The following OTUD7A variants were observed in gnomAD, a reference collection of about 807,000 sequenced individuals.
OTUD7A encodes OTU domain-containing protein 7A.
In OTUD7A, 12 loss-of-function variants were observed where a neutral mutation model predicts 65.7. The ratio of observed to expected loss-of-function variants is 0.18; its 90% CI spans 0.12 to 0.30. The LOEUF is 0.30. OTUD7A is among the 10% of genes least tolerant of loss of function. The pLI is 1.00. For synonymous variants in OTUD7A, 641 were observed against 586.3 expected (o/e 1.09, Z -1.35); for missense variants, 1,148 against 1,304.8 (o/e 0.88, Z 1.85).
chr15:31,669,280 GGTTGGGTGTCGTA>G (rs1216758891), intron 1 of OTUD7A, among the ~76,000 whole-genome samples: 1 of 152,150 alleles, frequency 6.6e-6, no homozygotes. Context: ...GTGGGGGCAG[GGTTGGGTGTCGTA>G]GTTCAGACTG....
chr15:31,589,487 G>GTTTT (rs1889655663), intron 3 of OTUD7A, among the ~76,000 whole-genome samples: 5 of 138,192 alleles, frequency 3.6e-5, no homozygotes, highest in African/African-American at 1.4e-4. Flanking sequence ...TTTTTCTGTA[G>GTTTT]AGACGGGGTT....
rs2041042467 is a variant in OTUD7A at position 31,477,586 on chromosome 15, CAAT to C, written c.*5705_*5707del. On this transcript the variant is annotated 3_prime_UTR_variant, in exon 13 of 13. Coordinates refer to ENST00000307050, the MANE Select transcript of OTUD7A (RefSeq NM_001382637.1). ...GTCACTGGGTCAGCTAAAGTTCTCA[CAAT>C]AATAGAACCTAGATTTGATGAAAGC... 2.6e-5 allele frequency: 4 copies of C among 152,172 alleles called. No individual in the cohort carries two copies. The South Asian group carries it at 8.3e-4, about 31-fold the overall frequency. 9.4% of individuals were successfully genotyped at this position (152,172 alleles called of 1,614,324 possible).
At position 31,834,428 on chromosome 15, in the gene OTUD7A, A is replaced by G. The variant is rs116630861; in HGVS notation, c.-100+36079T>C. Among the ~76,000 whole-genome samples the G allele has an allele frequency of 5.9e-3, 902 of 152,332 alleles. 11 individuals carry two copies. Among genetic ancestry groups the G allele is most frequent in the African/African-American group, 0.021 (870 of 41,572 alleles). ...TTTTGTTTTGTCTTTAAATTAATCA[A>G]TCATGTTTATTTAAAGTTTTCTTAA... On this transcript the variant is annotated intron_variant, in intron 1 of 12. Coordinates refer to ENST00000307050, the MANE Select transcript of OTUD7A (RefSeq NM_001382637.1).
Position 31,855,231 on chromosome 15 carries a change from C to A in OTUD7A, c.-100+15276G>T, listed in dbSNP as rs994563295. Among the ~76,000 whole-genome samples the A allele has an allele frequency of 3.3e-5, 5 of 151,750 alleles. No homozygotes were observed. In the East Asian group the frequency reaches 7.7e-4, roughly 23 times the overall value. On this transcript the variant is annotated intron_variant, in intron 1 of 12. Coordinates refer to ENST00000307050, the MANE Select transcript of OTUD7A (RefSeq NM_001382637.1). ...TCCAGAAACATTCAAGTAAATTAAC[C>A]GAATTAAAAGAATCACATGAACATC...
In OTUD7A at chr15:31,512,447, A is replaced by AT. The variant is rs1024724268; in HGVS notation, c.894-8630dup. 2.0e-5 allele frequency among the ~76,000 whole-genome samples: 3 copies of AT among 152,046 alleles called. No homozygotes were observed. In the East Asian group the frequency reaches 5.8e-4, roughly 29 times the overall value. On this transcript the variant is annotated intron_variant, in intron 8 of 12. Coordinates refer to ENST00000307050, the MANE Select transcript of OTUD7A (RefSeq NM_001382637.1). ...GCAATATTACTTGAATATAAATTTA[A>AT]TTTTTTTTAGCGAGGCCATTTTTTA...
intron 8 of OTUD7A, among the ~76,000 whole-genome samples, chr15:31,522,831 T>G (rs2041956164): frequency 6.6e-6 from 1 of 152,176 alleles, no homozygotes; most frequent in Non-Finnish European, 1.5e-5. Context: ...GCTGACCTCT[T>G]CAGATACGTG....
intron 3 of OTUD7A, among the ~76,000 whole-genome samples, chr15:31,630,065 G>C (rs1175468096): frequency 4.7e-5 from 7 of 148,532 alleles, no homozygotes; most frequent in Non-Finnish European, 6.0e-5. Flanking sequence ...TTAATTTTTT[G>C]AAGGGTTTTT....
At position 31,559,078 on chromosome 15, in the gene OTUD7A, T is replaced by A; in HGVS notation, c.441A>T (p.Pro147=). 6.2e-7 allele frequency: 1 copy of A among 1,612,262 alleles called. No homozygotes were observed. The highest frequency in any genetic ancestry group is 8.5e-7 in the Non-Finnish European group (1 of 1,179,240). Residue 147 remains proline, a synonymous_variant, in exon 5 of 13, where the codon CCA becomes CCT. Coordinates refer to ENST00000307050, the MANE Select transcript of OTUD7A (RefSeq NM_001382637.1). ...GGTCTGGCAACTGGAATGTGTAGATTGGCATCTCCAGGGGGAACTGCTCGT... is the reference window on the plus strand; with the variant it reads ...GGTCTGGCAACTGGAATGTGTAGATAGGCATCTCCAGGGGGAACTGCTCGT... The part of the protein sequence containing the change: ...CNNEQFPLEM[P]IYTFQLPDLS...
chr15:31,737,091 G>C (rs921190149), intron 1 of OTUD7A, among the ~76,000 whole-genome samples: 3 of 152,128 alleles, frequency 2.0e-5, no homozygotes, highest in Non-Finnish European at 2.9e-5. Flanking sequence ...CAAAGTGCTG[G>C]AATTACAGAT....
intron 9 of OTUD7A, among the ~76,000 whole-genome samples, 187 bp downstream of exon 9, chr15:31,503,504 G>A (rs1417809705): frequency 3.3e-5 from 5 of 152,212 alleles, no homozygotes; most frequent in Admixed American, 2.0e-4. Flanking sequence ...TTGATAGGCA[G>A]GGCAGCTAGT....
At position 31,802,137 on chromosome 15, in the gene OTUD7A, G is replaced by GTATA. The variant is rs1411006294; in HGVS notation, c.-100+68369_-100+68370insTATA. On this transcript the variant is annotated intron_variant, in intron 1 of 12. Transcript: ENST00000307050. Reference sequence around the variant, plus strand: ...TGTGTGTGTGTGTGTGTGTGTGTGTGTGTGTATATATATATATGTAAAGGG... The same window carrying GTATA: ...TGTGTGTGTGTGTGTGTGTGTGTGTGTATATGTGTATATATATATATGTAAAGGG... Among the ~76,000 whole-genome samples the GTATA allele has an allele frequency of 2.1e-3, 273 of 131,838 alleles. 2 individuals are homozygous for GTATA. Among genetic ancestry groups the GTATA allele is most frequent in the African/African-American group, 7.1e-3 (253 of 35,608 alleles). The allele number at this position is 131,838 out of a possible 152,430, so 86.5% of individuals were successfully genotyped here.
intron 1 of OTUD7A, among the ~76,000 whole-genome samples, chr15:31,830,165 C>G (rs550586964): frequency 6.6e-6 from 1 of 152,160 alleles, no homozygotes; most frequent in African/African-American, 2.4e-5. Context: ...TGCCTTAAAT[C>G]AAAACCTTCA....
chr15:31,644,525 G>A (rs1044457465), intron 3 of OTUD7A, among the ~76,000 whole-genome samples: 11 of 152,140 alleles, frequency 7.2e-5, no homozygotes, highest in Non-Finnish European at 1.2e-4. Flanking sequence ...TGCCTAGGCT[G>A]GAGTCAGCAG....
intron 1 of OTUD7A, among the ~76,000 whole-genome samples, chr15:31,683,236 A>C (rs1163684025): frequency 6.6e-6 from 1 of 152,234 alleles, no homozygotes; most frequent in East Asian, 1.9e-4. Flanking sequence ...CAATTTTCCA[A>C]AATAAAAAAA....
chr15:31,841,498 C>T (rs1256008894), intron 1 of OTUD7A, among the ~76,000 whole-genome samples: 3 of 152,130 alleles, frequency 2.0e-5, no homozygotes, highest in Non-Finnish European at 2.9e-5. Flanking sequence ...ATAGTCACTT[C>T]CCTTACTACC....
intron 3 of OTUD7A, among the ~76,000 whole-genome samples, chr15:31,626,328 T>C (rs1890949949): frequency 6.6e-6 from 1 of 152,118 alleles, no homozygotes; most frequent in South Asian, 2.1e-4. Flanking sequence ...CATGGAAGAA[T>C]GGGTAGATGG....
At position 31,848,452 on chromosome 15, in the gene OTUD7A, A is replaced by T. The variant is rs190860939; in HGVS notation, c.-100+22055T>A. ...CTAAAAAACTGTGCTTTTTATTTTT[A>T]AAAAAAAACAGTTTTCTCTCACTGA... On this transcript the variant is annotated intron_variant, in intron 1 of 12. Coordinates refer to ENST00000307050, the MANE Select transcript of OTUD7A (RefSeq NM_001382637.1). 5.3e-3 allele frequency among the ~76,000 whole-genome samples: 795 copies of T among 151,260 alleles called. 1 individual carries two copies. Among genetic ancestry groups the T allele is most frequent in the Middle Eastern group, 0.034 (10 of 294 alleles).
At chr15:31,561,974 A>C (rs1393387124) in intron 4 of OTUD7A, among the ~76,000 whole-genome samples, 1 of 152,228 alleles carries the variant, frequency 6.6e-6, no homozygotes, top group Non-Finnish European at 1.5e-5. Context: ...TGCCACTGAC[A>C]AAGGGGAGAT....
chr15:31,532,720 G>A (rs1350694217), intron 5 of OTUD7A, among the ~76,000 whole-genome samples: 1 of 152,030 alleles, frequency 6.6e-6, no homozygotes, highest in Non-Finnish European at 1.5e-5. Flanking sequence ...GAGGTCAGGA[G>A]ATTGAGACCA....
Sources: gnomAD v4.1 joint callset for allele counts (sites outside exome capture counted in the v4.1 genomes callset) on GRCh38, gnomAD v4.1.1 for gene constraint, MANE v1.5 for transcripts, NCBI Gene and HGNC (gene_info 2026-07-23, HGNC 2026-07-21) for gene names.